Variants in ADGRG4 observed in about 807,000 individuals in gnomAD.
The protein encoded by ADGRG4 is G protein-coupled receptor 112.
ADGRG4 carries 122 observed loss-of-function variants against 126.2 expected under a neutral mutation model. The observed-to-expected ratio is 0.97, with a 90% CI of 0.83 to 1.12. The LOEUF (loss-of-function observed/expected upper bound fraction) is 1.12, where lower values mean the gene tolerates loss of function less well. Ranked by LOEUF, ADGRG4 falls within the 50% of genes most tolerant of loss-of-function variation. The pLI, the probability that ADGRG4 is intolerant of heterozygous loss-of-function variation, is 0.00. For missense variants in ADGRG4, 2,481 were observed against 2,251.8 expected (o/e 1.10, Z -2.06); for synonymous variants, 943 against 838.7 (o/e 1.12, Z -2.15).
chrX:136,316,543 C>T (rs1367753917), intron 4 of ADGRG4, among the ~76,000 whole-genome samples: 1 of 111,980 alleles, frequency 8.9e-6, no homozygotes, highest in Non-Finnish European at 1.9e-5. Context: ...TCTTGGCTCA[C>T]TGCAACCACT....
chrX:136,378,086 T>C (rs2075238996), intron 15 of ADGRG4, among the ~76,000 whole-genome samples: 1 of 111,429 alleles, frequency 9.0e-6, no homozygotes, highest in South Asian at 3.7e-4. Flanking sequence ...TATTTCTTAG[T>C]AATATTGAGT....
intron 21 of ADGRG4, among the ~76,000 whole-genome samples, chrX:136,401,561 G>C (rs1273328040): frequency 9.0e-6 from 1 of 111,544 alleles, no homozygotes. Flanking sequence ...AAGTCTGACT[G>C]GCTCAATCAG....
In ADGRG4 at chrX:136,309,604, A is replaced by G. The variant is rs185777718; in HGVS notation, c.70+757A>G. Among the ~76,000 whole-genome samples the G allele has an allele frequency of 4.7e-3, 525 of 112,091 alleles. 1 individual carries two copies. The highest frequency in any genetic ancestry group is 0.016 in the African/African-American group (499 of 30,858). ...CTGTGTTTAATTTGAACGGTCCTCAAGCGTAAGAGCTAATCTGCAAAAATA... is the reference window on the plus strand; with the variant it reads ...CTGTGTTTAATTTGAACGGTCCTCAGGCGTAAGAGCTAATCTGCAAAAATA... On this transcript the variant is annotated intron_variant, in intron 4 of 25. Transcript: ENST00000394143.
chrX:136,319,390 A>G (rs770915442), intron 4 of ADGRG4, among the ~76,000 whole-genome samples: 2 of 112,560 alleles, frequency 1.8e-5, no homozygotes, highest in South Asian at 7.4e-4. Context: ...CCTAAATGTT[A>G]GTTATGATTG....
rs754853911 is a variant in ADGRG4 at position 136,346,693 on chromosome X, C to T, written c.2987C>T (p.Pro996Leu). Residue 996 changes from proline (P) to leucine (L), a missense_variant, in exon 6 of 26, where the codon CCT (proline) becomes CTT (leucine). By Grantham distance (98) the Pro-to-Leu change is moderately conservative (BLOSUM62 -3). Coordinates refer to ENST00000394143, the MANE Select transcript of ADGRG4 (RefSeq NM_153834.4). ...ACGTCCTTGTCTGATGGTATCTTAC[C>T]TCCACAGCCTACAGCTGCTCATTCC... ...TATSLSDGIL[P>L]PQPTAAHSSA... The T allele has an allele frequency of 2.5e-6, 3 of 1,210,792 alleles. No individual in the cohort carries two copies. In the South Asian group the frequency reaches 5.3e-5, roughly 21 times the overall value.
Position 136,395,472 on chromosome X carries a change from C to T in ADGRG4, c.8163C>T (p.Leu2721=). 1 of 1,180,628 alleles carries T rather than the reference C, an allele frequency of 8.5e-7. No homozygotes were observed. Among genetic ancestry groups the T allele is most frequent in the Non-Finnish European group, 1.2e-6 (1 of 869,283 alleles). The change falls in exon 19 of 26, where the codon CTC becomes CTT. Residue 2721 remains leucine (L), a synonymous_variant. Coordinates refer to ENST00000394143, the MANE Select transcript of ADGRG4 (RefSeq NM_153834.4). ...VNYTICQCDH[L]THFGVLMDLS... ...ACACAATCTGTCAGTGTGACCACCT[C>T]ACCCATTTTGGAGTCTTAATGGTGA...
chrX:136,356,069 C>G, intron 8 of ADGRG4, 57 bp from the exon 9 acceptor site: 1 of 905,444 alleles, frequency 1.1e-6, no homozygotes, highest in Non-Finnish European at 1.6e-6. Context: ...ATCTCATGCC[C>G]TGTATACTTG....
intron 2 of ADGRG4, 37 bp downstream of exon 2, chrX:136,304,244 CT>C (rs763504145): frequency 9.0e-6 from 1 of 111,474 alleles, no homozygotes; most frequent in Non-Finnish European, 1.9e-5. Context: ...GTTCCAATTT[CT>C]TTTTTTGGTA....
At chrX:136,301,426 A>G (rs1249004675) in intron 1 of ADGRG4, among the ~76,000 whole-genome samples, 1 of 110,915 alleles carries the variant, frequency 9.0e-6, no homozygotes, top group Non-Finnish European at 1.9e-5. Context: ...CCACTTTTTG[A>G]TGGGGTTGTT....
chrX:136,379,822 C>T (rs2075248961), intron 15 of ADGRG4, among the ~76,000 whole-genome samples: 1 of 110,596 alleles, frequency 9.0e-6, no homozygotes, highest in Non-Finnish European at 1.9e-5. Flanking sequence ...TCTTCCGATC[C>T]CTGTGATTTT....
In ADGRG4 at chrX:136,361,939, C is replaced by T. The variant is rs1293990491; in HGVS notation, c.7277+352C>T. 2.7e-5 allele frequency among the ~76,000 whole-genome samples: 3 copies of T among 111,622 alleles called. No homozygotes were observed. The Admixed American group carries it at 2.8e-4, about 11-fold the overall frequency. On this transcript the variant is annotated intron_variant, in intron 12 of 25. Transcript: ENST00000394143. ...CCTTTAAGTTTTATGTAGCAGTAAT[C>T]ACTATTCTTGTATCAATAATGTAAT...
At chrX:136,301,648 T>A (rs1479480144) in intron 1 of ADGRG4, among the ~76,000 whole-genome samples, 2 of 112,273 alleles carry the variant, frequency 1.8e-5, no homozygotes, top group Non-Finnish European at 3.8e-5. Flanking sequence ...AGACATGAAG[T>A]CCTTACCCAT....
At chrX:136,330,272 G>A (rs1034840110) in intron 5 of ADGRG4, among the ~76,000 whole-genome samples, 15 of 110,183 alleles carry the variant, frequency 1.4e-4, no homozygotes, top group African/African-American at 3.3e-4. Context: ...TTCCCCCTAC[G>A]CTGCTTCATA....
rs1603294717 is a variant in ADGRG4, at chrX:136,346,177, C to T, written c.2471C>T (p.Thr824Ile). The T allele has an allele frequency of 8.3e-7, 1 of 1,207,210 alleles. No homozygotes were observed. Among genetic ancestry groups the T allele is most frequent in the Non-Finnish European group, 1.1e-6 (1 of 892,812 alleles). ...GCAATTGTATTTGGAGGTACAACGA[C>T]CCCTGTACCAAAGTCAGCAACAACA... Reference protein sequence around the residue: ...NGAIVFGGTTTPVPKSATTQR... With the variant: ...NGAIVFGGTTIPVPKSATTQR... The change falls in exon 6 of 26, where the codon ACC (threonine) becomes ATC (isoleucine). Residue 824 changes from threonine to isoleucine, a missense_variant. Physicochemically the swap from Thr to Ile is moderately conservative, Grantham distance 89. Transcript: ENST00000394143.
rs199748765 is a variant in ADGRG4 at position 136,399,957 on chromosome X, G to A, written c.8416G>A (p.Val2806Met). 14 of 1,209,716 alleles carry A rather than the reference G, an allele frequency of 1.2e-5. No individual in the cohort carries two copies. Among genetic ancestry groups the A allele is most frequent in the Middle Eastern group, 2.3e-4 (1 of 4,351 alleles). The part of the protein sequence containing the change: ...INSWLSSFQK[V>M]GVCITAAVAL... ...TTCTTGGTTGTCATCATTTCAGAAAGTGGGAGTTTGTATCACAGCTGCAGT... is the reference window on the plus strand; with the variant it reads ...TTCTTGGTTGTCATCATTTCAGAAAATGGGAGTTTGTATCACAGCTGCAGT... The change falls in exon 21 of 26, where the codon GTG (valine) becomes ATG (methionine). Residue 2806 changes from valine (V) to methionine (M), a missense_variant. By Grantham distance (21) the Val-to-Met change is conservative (BLOSUM62 1). Transcript: ENST00000394143.
At chrX:136,310,347 T>G (rs1439788162) in intron 4 of ADGRG4, among the ~76,000 whole-genome samples, 1 of 110,612 alleles carries the variant, frequency 9.0e-6, no homozygotes, top group Admixed American at 9.7e-5. Flanking sequence ...TTATGATAGA[T>G]GTGCAGGTCC....
chrX:136,396,225 A>G (rs1295911023), intron 19 of ADGRG4, among the ~76,000 whole-genome samples: 1 of 108,890 alleles, frequency 9.2e-6, no homozygotes, highest in Non-Finnish European at 1.9e-5. Flanking sequence ...CTTTTTCTCT[A>G]CCCGCATCAG....
At chrX:136,365,116 C>T (rs1406776179) in intron 13 of ADGRG4, among the ~76,000 whole-genome samples, 2 of 112,060 alleles carry the variant, frequency 1.8e-5, no homozygotes, top group East Asian at 5.5e-4. Flanking sequence ...ATGTAGTTTA[C>T]AAACTTTTTA....
In ADGRG4 at chrX:136,371,600, C is replaced by T. The variant is rs45619634; in HGVS notation, c.7613+56C>T. Reference sequence around the variant, plus strand: ...ATTTTTAAAAAATTTAAAATGCAGACGGCCCTCTGTATCTGTGCATTCTGC... The same window carrying T: ...ATTTTTAAAAAATTTAAAATGCAGATGGCCCTCTGTATCTGTGCATTCTGC... On this transcript the variant is annotated intron_variant, in intron 14 of 25. Transcript: ENST00000394143. The T allele has an allele frequency of 2.5e-3, 1,686 of 670,732 alleles. 3 individuals are homozygous for T. The highest frequency in any genetic ancestry group is 3.1e-3 in the Non-Finnish European group (1,401 of 457,576). 55.3% of individuals were successfully genotyped at this position (670,732 alleles called of 1,213,427 possible). A position where few individuals can be genotyped will look rare whatever the true frequency, so the allele number is the denominator to read the frequency against.
Sources: gnomAD v4.1 joint callset for allele counts (sites outside exome capture counted in the v4.1 genomes callset) on GRCh38, gnomAD v4.1.1 for gene constraint, MANE v1.5 for transcripts, NCBI Gene and HGNC (gene_info 2026-07-23, HGNC 2026-07-21) for gene names.